The following RBPJ variants were observed in gnomAD, a reference collection of about 807,000 sequenced individuals.
RBPJ encodes recombination signal binding protein for immunoglobulin kappa J region.
In RBPJ, 9 loss-of-function variants were observed where a neutral mutation model predicts 67.8. The ratio of observed to expected loss-of-function variants is 0.13; its 90% CI spans 0.08 to 0.23. The LOEUF (loss-of-function observed/expected upper bound fraction) is 0.23. Ranked by LOEUF, RBPJ falls within the 10% of genes least tolerant of loss-of-function variation. RBPJ has a pLI of 1.00. For synonymous variants in RBPJ, 198 were observed against 203.3 expected (o/e 0.97, Z 0.22); for missense variants, 305 against 595.6 (o/e 0.51, Z 5.08).
In RBPJ at chr4:26,292,246, A is replaced by G. The variant is rs557226713; in HGVS notation, c.-166-70200A>G. On this transcript the variant is annotated intron_variant, in intron 1 of 4. Coordinates refer to the RBPJ transcript ENST00000512351. ...TTTCCCTACTCCTCAGCCCCTGGCA[A>G]CCTCTATTCTATTCTCTGCTTCTAT... 1.3e-3 allele frequency among the ~76,000 whole-genome samples: 194 copies of G among 150,648 alleles called. 6 individuals carry two copies. Among genetic ancestry groups the G allele is most frequent in the Non-Finnish European group, 2.5e-3 (167 of 67,556 alleles).
rs1442667942 is a variant in RBPJ, at chr4:26,300,028, T to A, written c.-166-62418T>A. Among the ~76,000 whole-genome samples, 4 of 152,000 alleles carry A rather than the reference T, an allele frequency of 2.6e-5. No homozygotes were observed. In the East Asian group the frequency reaches 7.7e-4, roughly 29 times the overall value. ...CAAACCTCTTAATGAAGAAGCAAGGTTTTTGGAGGAGTGGAAATGGCATGA... is the reference window on the plus strand; with the variant it reads ...CAAACCTCTTAATGAAGAAGCAAGGATTTTGGAGGAGTGGAAATGGCATGA... On this transcript the variant is annotated intron_variant, in intron 1 of 4. Transcript: ENST00000512351.
At chr4:26,417,806 G>A (rs1158172404) in intron 4 of RBPJ, among the ~76,000 whole-genome samples, 1 of 152,138 alleles carries the variant, frequency 6.6e-6, no homozygotes, top group Non-Finnish European at 1.5e-5. Flanking sequence ...TCATTGAGTG[G>A]TACAATTAGT....
intron 1 of RBPJ, among the ~76,000 whole-genome samples, chr4:26,357,435 A>G (rs552294479): frequency 9.2e-5 from 14 of 152,216 alleles, no homozygotes; most frequent in Non-Finnish European, 1.9e-4. Context: ...AGTGCCACTT[A>G]ACGAAGATAG....
At chr4:26,276,135 C>A (rs1232571769) in intron 1 of RBPJ, among the ~76,000 whole-genome samples, 6 of 150,950 alleles carry the variant, frequency 4.0e-5, no homozygotes, top group African/African-American at 1.5e-4. Context: ...ATTAGCCGAG[C>A]ATGGTGGCAC....
At chr4:26,357,603 A>T (rs1211869680) in intron 1 of RBPJ, among the ~76,000 whole-genome samples, 1 of 152,204 alleles carries the variant, frequency 6.6e-6, no homozygotes, top group Non-Finnish European at 1.5e-5. Context: ...CCATTTAAAC[A>T]ATTTTAAATT....
intron 1 of RBPJ, among the ~76,000 whole-genome samples, chr4:26,363,714 C>T (rs1728318246): frequency 6.6e-6 from 1 of 152,188 alleles, no homozygotes; most frequent in Non-Finnish European, 1.5e-5. Context: ...GCTGGGATTA[C>T]AGGCATGAGC....
At position 26,241,203 on chromosome 4, in the gene RBPJ, TAAAAAAA is replaced by T. The variant is rs749378144; in HGVS notation, c.-167+77602_-167+77608del. 1.8e-3 allele frequency among the ~76,000 whole-genome samples: 179 copies of T among 98,012 alleles called. 3 individuals carry two copies. Among genetic ancestry groups the T allele is most frequent in the African/African-American group, 6.3e-3 (164 of 26,004 alleles). The allele number at this position is 98,012 out of a possible 152,430, so 64.3% of individuals were successfully genotyped here. ...CAGAGCAAGACCCTGTCTCCAAAAA[TAAAAAAA>T]AAAAAAAAAAAATTGAGCACTTTCC... On this transcript the variant is annotated intron_variant, in intron 1 of 4. Transcript: ENST00000512351.
At chr4:26,388,532 G>GC (rs1228111329) in intron 2 of RBPJ, among the ~76,000 whole-genome samples, 5 of 152,112 alleles carry the variant, frequency 3.3e-5, no homozygotes, top group Non-Finnish European at 7.3e-5. Flanking sequence ...GTAGGATTTG[G>GC]CCTACAGACT....
intron 1 of RBPJ, among the ~76,000 whole-genome samples, chr4:26,305,555 C>A (rs1298226845): frequency 6.6e-6 from 1 of 151,962 alleles, no homozygotes; most frequent in East Asian, 1.9e-4. Context: ...AAAATTTATA[C>A]CTAAGTACTT....
At chr4:26,351,158 A>G (rs1055048466) in intron 1 of RBPJ, among the ~76,000 whole-genome samples, 1 of 152,148 alleles carries the variant, frequency 6.6e-6, no homozygotes, top group Non-Finnish European at 1.5e-5. Flanking sequence ...CTTAATTACT[A>G]TGCTAACTCC....
chr4:26,311,213 C>G (rs940018449), intron 1 of RBPJ, among the ~76,000 whole-genome samples: 1 of 152,058 alleles, frequency 6.6e-6, no homozygotes, highest in African/African-American at 2.4e-5. Context: ...AAAAACTTGT[C>G]TAAGATCACA....
chr4:26,157,637 T>G, the RBPJ span, among the ~76,000 whole-genome samples: 1 of 152,188 alleles, frequency 6.6e-6, no homozygotes, highest in Non-Finnish European at 1.5e-5. Flanking sequence ...CTTTCTACAT[T>G]CCTTATTGTA....
chr4:26,342,909 T>G (rs965649564), intron 1 of RBPJ, among the ~76,000 whole-genome samples: 5 of 152,216 alleles, frequency 3.3e-5, no homozygotes, highest in Admixed American at 2.6e-4. Context: ...ATTCTCATGT[T>G]TTTTGGTATT....
intron 1 of RBPJ, among the ~76,000 whole-genome samples, chr4:26,349,465 G>C (rs537446999): frequency 2.6e-5 from 4 of 152,018 alleles, no homozygotes; most frequent in Non-Finnish European, 5.9e-5. Context: ...AATACTTTGC[G>C]ATAGAGTCAT....
intron 1 of RBPJ, among the ~76,000 whole-genome samples, chr4:26,377,823 T>C (rs773542730): frequency 2.6e-5 from 4 of 152,240 alleles, no homozygotes; most frequent in Non-Finnish European, 5.9e-5. Flanking sequence ...GTGTAGAGAA[T>C]GCAATTTTAT....
At chr4:26,410,144 G>A in intron 3 of RBPJ, 1 of 409,454 alleles carries the variant, frequency 2.4e-6, no homozygotes, top group Non-Finnish European at 4.8e-6. Context: ...TGGTGGTGGA[G>A]TGCACAGTGG....
At chr4:26,373,024 G>A (rs1260849938) in intron 1 of RBPJ, among the ~76,000 whole-genome samples, 2 of 152,154 alleles carry the variant, frequency 1.3e-5, no homozygotes, top group Non-Finnish European at 2.9e-5. Flanking sequence ...GGTTAAGACC[G>A]CTTCTTCAAA....
chr4:26,333,948 T>G (rs1444485258), intron 1 of RBPJ, among the ~76,000 whole-genome samples: 2 of 152,220 alleles, frequency 1.3e-5, no homozygotes, highest in Non-Finnish European at 2.9e-5. Flanking sequence ...ATTATAGTTG[T>G]GAGCCACTGT....
chr4:26,358,516 TA>T (rs1727650549), intron 1 of RBPJ, among the ~76,000 whole-genome samples: 1 of 149,240 alleles, frequency 6.7e-6, no homozygotes, highest in African/African-American at 2.5e-5. Context: ...GCCTCATGCC[TA>T]TAAGCCCAGC....
Sources: gnomAD v4.1 joint callset for allele counts (sites outside exome capture counted in the v4.1 genomes callset) on GRCh38, gnomAD v4.1.1 for gene constraint, MANE v1.5 for transcripts, NCBI Gene and HGNC (gene_info 2026-07-23, HGNC 2026-07-21) for gene names.